Variants in MEGF6 observed in about 807,000 individuals in gnomAD.
MEGF6 encodes multiple epidermal growth factor-like domains protein 6.
MEGF6 carries 184 observed loss-of-function variants against 207.1 expected under a neutral mutation model. The ratio of observed to expected loss-of-function variants is 0.89; its 90% confidence interval spans 0.79 to 1.00. The LOEUF (loss-of-function observed/expected upper bound fraction) is 1.00. Among genes scored for constraint, MEGF6 ranks in the 50% least tolerant of loss-of-function variants. MEGF6 has a pLI of 0.00. For synonymous variants in MEGF6, 1,038 were observed against 910.0 expected (o/e 1.14, Z -2.53); for missense variants, 2,282 against 2,202.9 (o/e 1.04, Z -0.72).
At chr1:3,490,785 C>T in intron 36 of MEGF6, 127 bp downstream of exon 36, 1 of 1,330,182 alleles carries the variant, frequency 7.5e-7, no homozygotes, top group African/African-American at 1.5e-5. Flanking sequence ...GCTCCAGATT[C>T]CTGGGGCCCA....
intron 1 of MEGF6, among the ~76,000 whole-genome samples, chr1:3,605,212 A>G (rs1237750340): frequency 2.0e-5 from 3 of 152,004 alleles, no homozygotes; most frequent in Admixed American, 2.0e-4. Context: ...ACAGTCACAC[A>G]CACTTTACAT....
chr1:3,539,665 G>A (rs943966158), intron 4 of MEGF6, among the ~76,000 whole-genome samples: 16 of 152,194 alleles, frequency 1.1e-4, no homozygotes, highest in African/African-American at 3.9e-4. Flanking sequence ...GGGGCTTCCG[G>A]GAGGACTGGA....
chr1:3,495,791 G>C (rs1640572908), intron 30 of MEGF6, 99 bp downstream of exon 30: 1 of 1,433,882 alleles, frequency 7.0e-7, no homozygotes, highest in Admixed American at 2.2e-5. Flanking sequence ...AGGATGTGCG[G>C]GTGTCTGGGC....
chr1:3,536,438 G>A (rs1557758748), intron 4 of MEGF6, among the ~76,000 whole-genome samples: 1 of 152,134 alleles, frequency 6.6e-6, no homozygotes, highest in Non-Finnish European at 1.5e-5. Flanking sequence ...GCTCTGGGGT[G>A]CGGAGGGCTC....
intron 30 of MEGF6, among the ~76,000 whole-genome samples, 173 bp downstream of exon 30, chr1:3,495,717 A>G (rs1383430367): frequency 2.0e-5 from 3 of 152,194 alleles, no homozygotes; most frequent in East Asian, 1.9e-4. Context: ...AGGGCAGCGT[A>G]GTCAACACAA....
chr1:3,608,685 A>T (rs1163273023), intron 1 of MEGF6, among the ~76,000 whole-genome samples: 1 of 152,154 alleles, frequency 6.6e-6, no homozygotes, highest in Non-Finnish European at 1.5e-5. Context: ...GGTCTCCAAA[A>T]TGTGGAGCTT....
intron 4 of MEGF6, among the ~76,000 whole-genome samples, chr1:3,531,980 G>T (rs1423881971): frequency 2.6e-5 from 4 of 152,214 alleles, no homozygotes; most frequent in Non-Finnish European, 5.9e-5. Flanking sequence ...TGCCTGCACT[G>T]TCCTGTCCTC....
intron 5 of MEGF6, 101 bp downstream of exon 5, chr1:3,524,023 C>T: frequency 3.6e-6 from 5 of 1,385,394 alleles, no homozygotes; most frequent in Non-Finnish European, 4.9e-6. Context: ...CTCTGCCTCT[C>T]CATGTCCACA....
In MEGF6 at chr1:3,560,535, T is replaced by C. The variant is rs571458179; in HGVS notation, c.481+19290A>G. ...TGGCCTTTCCCAGCAGTGTGTGGCCTTGGACTGCTGTCCTCACTCAGCAAC... is the reference window on the plus strand; with the variant it reads ...TGGCCTTTCCCAGCAGTGTGTGGCCCTGGACTGCTGTCCTCACTCAGCAAC... On this transcript the variant is annotated intron_variant, in intron 4 of 36. Coordinates refer to ENST00000356575, the MANE Select transcript of MEGF6 (RefSeq NM_001409.4). The surrounding 1 kb of genome is among the most constrained non-coding windows in gnomAD (Gnocchi z 4.0). Among the ~76,000 whole-genome samples, 1 of 152,336 alleles carries C rather than the reference T, an allele frequency of 6.6e-6. No individual in the cohort carries two copies. The highest frequency in any genetic ancestry group is 1.5e-5 in the Non-Finnish European group (1 of 68,038).
At chr1:3,610,683 C>G (rs1644313140) in intron 1 of MEGF6, among the ~76,000 whole-genome samples, 1 of 152,270 alleles carries the variant, frequency 6.6e-6, no homozygotes, top group Non-Finnish European at 1.5e-5. Context: ...ACCACACAGA[C>G]CAACTCCATT....
At position 3,514,614 on chromosome 1, in the gene MEGF6, C is replaced by T. The variant is rs368233619; in HGVS notation, c.789G>A (p.Arg263=). The stretch of plus-strand genomic sequence containing the variant: ...CGTGGCACTCACAGCGGGCGAGGCC[C>T]CGGACCACCTGGCACCTGTGCATGC... ...GSCMHRCQVV[R]GLARCECHVG... Residue 263 remains arginine (R), a synonymous_variant, in exon 7 of 37, where the codon CGG becomes CGA. Coordinates refer to ENST00000356575, the MANE Select transcript of MEGF6 (RefSeq NM_001409.4). 5.3e-5 allele frequency: 84 copies of T among 1,580,254 alleles called. No individual in the cohort carries two copies. The African/African-American group carries it at 9.5e-4, about 18-fold the overall frequency.
At chr1:3,523,823 C>T (rs1205084384) in intron 5 of MEGF6, among the ~76,000 whole-genome samples, 1 of 152,256 alleles carries the variant, frequency 6.6e-6, no homozygotes, top group Non-Finnish European at 1.5e-5. Flanking sequence ...CACGGGCTCA[C>T]TCCCCTGTCC....
chr1:3,491,782 G>T (rs1015565525), intron 35 of MEGF6, among the ~76,000 whole-genome samples: 3 of 151,068 alleles, frequency 2.0e-5, no homozygotes, highest in Non-Finnish European at 3.0e-5. Flanking sequence ...GGGTGGGGGG[G>T]GGGGTGCGGG....
intron 3 of MEGF6, among the ~76,000 whole-genome samples, chr1:3,585,508 G>T (rs1437202056): frequency 1.6e-4 from 24 of 150,082 alleles, no homozygotes; most frequent in African/African-American, 4.7e-4. Context: ...CTGTGTGTGG[G>T]TGTGAGTGAC....
At chr1:3,493,713 A>T (rs949077954) in intron 34 of MEGF6, 58 bp downstream of exon 34, 5 of 1,585,446 alleles carry the variant, frequency 3.2e-6, no homozygotes, top group Non-Finnish European at 4.3e-6. Context: ...ACCAATCAAT[A>T]TTGGTCACTG....
At chr1:3,522,942 G>A (rs1034607325) in intron 5 of MEGF6, among the ~76,000 whole-genome samples, 1 of 152,194 alleles carries the variant, frequency 6.6e-6, no homozygotes, top group Non-Finnish European at 1.5e-5. Flanking sequence ...GCGGGCTGGG[G>A]CCGCACCCCC....
chr1:3,607,333 T>C (rs2821018), intron 1 of MEGF6, among the ~76,000 whole-genome samples: 143,090 of 152,102 alleles, frequency 0.94, 67,455 homozygotes, highest in East Asian at 0.98. Context: ...ACTCCTCCCC[T>C]TCACGGCTCT....
chr1:3,533,613 C>A (rs1642240789), intron 4 of MEGF6, among the ~76,000 whole-genome samples: 1 of 152,218 alleles, frequency 6.6e-6, no homozygotes, highest in Non-Finnish European at 1.5e-5. Context: ...AGAGGCCAGG[C>A]CTGCAAGGGC....
the MEGF6 span, among the ~76,000 whole-genome samples, chr1:3,617,397 C>G: frequency 3.4e-4 from 52 of 152,122 alleles, no homozygotes; most frequent in South Asian, 4.2e-3. Context: ...GGTGTCTGCC[C>G]CATGTTCTCA....
Sources: gnomAD v4.1 joint callset for allele counts (sites outside exome capture counted in the v4.1 genomes callset) on GRCh38, gnomAD v4.1.1 for gene constraint, Gnocchi (gnomAD v3.1) non-coding constraint, MANE v1.5 for transcripts, NCBI Gene and HGNC (gene_info 2026-07-23, HGNC 2026-07-21) for gene names.